The following PTPRA variants were observed in gnomAD, a reference collection of about 807,000 sequenced individuals.
PTPRA encodes the protein receptor-type tyrosine-protein phosphatase alpha.
Under a neutral mutation model 104.8 loss-of-function variants are expected in PTPRA, and 25 were observed. That is an observed-to-expected ratio of 0.24 (90% confidence interval 0.17 to 0.33). The LOEUF is 0.33. Among genes scored for constraint, PTPRA ranks in the 10% least tolerant of loss-of-function variants. The probability of loss-of-function intolerance (pLI) is 1.00; values close to 1 mark genes in which losing one functional copy is unlikely to be tolerated. For synonymous variants in PTPRA, 323 were observed against 368.9 expected (o/e 0.88, Z 1.43); for missense variants, 765 against 1,015.3 (o/e 0.75, Z 3.35).
intron 6 of PTPRA, among the ~76,000 whole-genome samples, chr20:2,980,557 G>GA (rs373384876): frequency 1.2e-4 from 17 of 147,606 alleles, no homozygotes; most frequent in South Asian, 6.5e-4. Context: ...CTCGAGAAAA[G>GA]AAAAAAAAAC....
intron 1 of PTPRA, among the ~76,000 whole-genome samples, chr20:2,906,423 A>G (rs1241466235): frequency 2.0e-5 from 3 of 152,208 alleles, no homozygotes; most frequent in Non-Finnish European, 4.4e-5. Flanking sequence ...TGATCCTCCT[A>G]TAAAGGGCCA....
intron 1 of PTPRA, among the ~76,000 whole-genome samples, chr20:2,877,862 A>G: frequency 6.6e-6 from 1 of 152,212 alleles, no homozygotes; most frequent in East Asian, 1.9e-4. Flanking sequence ...TTGTTCATTT[A>G]AAATCACAGG....
chr20:2,927,051 A>G lies in PTPRA; in HGVS notation c.-50+3766A>G, dbSNP rs376025193. On this transcript the variant is annotated intron_variant, in intron 2 of 23. Transcript: ENST00000399903. ...AGTGATCCGCCCGCCTCGGCCTCCC[A>G]AAGTGCTGGGATTACAGGCATATGC... Among the ~76,000 whole-genome samples, 55 of 152,036 alleles carry G rather than the reference A, an allele frequency of 3.6e-4. No homozygotes were observed. The East Asian group carries it at 7.6e-3, about 21-fold the overall frequency.
chr20:3,019,648 C>T (rs1317636341), intron 13 of PTPRA, among the ~76,000 whole-genome samples: 5 of 151,400 alleles, frequency 3.3e-5, no homozygotes, highest in African/African-American at 7.3e-5. Flanking sequence ...CGGGCAGAGA[C>T]GCTCCTCACT....
intron 2 of PTPRA, among the ~76,000 whole-genome samples, chr20:2,929,528 G>A (rs1425057821): frequency 5.9e-5 from 9 of 152,212 alleles, no homozygotes; most frequent in Non-Finnish European, 5.9e-5. Context: ...AATGTTCTTG[G>A]AGATGGTCTT....
intron 11 of PTPRA, among the ~76,000 whole-genome samples, chr20:3,007,625 A>G (rs909694268): frequency 1.3e-5 from 2 of 152,118 alleles, no homozygotes; most frequent in South Asian, 4.1e-4. Flanking sequence ...GTCATTCCCT[A>G]TGGTTTCCCA....
At chr20:3,000,135 A>G (rs1232617780) in intron 9 of PTPRA, among the ~76,000 whole-genome samples, 1 of 152,054 alleles carries the variant, frequency 6.6e-6, no homozygotes, top group African/African-American at 2.4e-5. Context: ...AAATACAAAA[A>G]AAATTAGCCA....
chr20:3,021,520 T>G, intron 14 of PTPRA, 92 bp downstream of exon 14: 2 of 1,516,548 alleles, frequency 1.3e-6, no homozygotes, highest in South Asian at 1.2e-5. Context: ...TGGTCAGGAG[T>G]TGCTGAGTAT....
rs751145234 is a variant in PTPRA at position 3,037,536 on chromosome 20, C to T, written c.2334+247C>T. On this transcript the variant is annotated intron_variant, in intron 23 of 23. Transcript: ENST00000399903. The surrounding 1 kb of genome is among the most constrained non-coding windows in gnomAD (Gnocchi z 4.3). ...GGGTGTCTGGGTGCCCCACAGGGCT[C>T]ATCTGTACTTCTCTGTGGGTCTTGG... Among the ~76,000 whole-genome samples, 4 of 152,188 alleles carry T rather than the reference C, an allele frequency of 2.6e-5. No homozygotes were observed. The highest frequency in any genetic ancestry group is 5.9e-5 in the Non-Finnish European group (4 of 68,036).
intron 1 of PTPRA, among the ~76,000 whole-genome samples, chr20:2,918,283 G>A (rs2059981801): frequency 6.6e-6 from 1 of 151,968 alleles, no homozygotes; most frequent in African/African-American, 2.4e-5. Context: ...TGGAGTAGCT[G>A]GGCATTACAG....
intron 6 of PTPRA, among the ~76,000 whole-genome samples, chr20:2,980,445 T>C (rs1000957502): frequency 6.6e-6 from 1 of 151,728 alleles, no homozygotes; most frequent in African/African-American, 2.4e-5. Flanking sequence ...TTCCAGCTAC[T>C]AGGGAGGCTA....
At position 2,965,741 on chromosome 20, in the gene PTPRA, G is replaced by C. The variant is rs560935968; in HGVS notation, c.415+539G>C. The stretch of plus-strand genomic sequence containing the variant: ...ATATGGAGTGGCAGGCCAGTGGCCA[G>C]GGGTGGCATCAGGCTCTGGGAAATG... On this transcript the variant is annotated intron_variant, in intron 5 of 23. Coordinates refer to ENST00000399903, the MANE Select transcript of PTPRA (RefSeq NM_001385305.1). 4.6e-5 allele frequency among the ~76,000 whole-genome samples: 7 copies of C among 152,318 alleles called. No homozygotes were observed. The South Asian group carries it at 1.4e-3, about 32-fold the overall frequency.
At chr20:2,993,609 G>A (rs1047371122) in intron 9 of PTPRA, among the ~76,000 whole-genome samples, 9 of 152,206 alleles carry the variant, frequency 5.9e-5, no homozygotes, top group Non-Finnish European at 1.2e-4. Context: ...GGAGTTATAT[G>A]TTAATCTGCA....
intron 1 of PTPRA, among the ~76,000 whole-genome samples, chr20:2,888,744 A>G (rs1434896409): frequency 1.3e-5 from 2 of 152,182 alleles, no homozygotes; most frequent in Non-Finnish European, 2.9e-5. Context: ...ATAGGCATCC[A>G]CAAGTACTAT....
chr20:3,007,849 T>G (rs1441699112), intron 11 of PTPRA, among the ~76,000 whole-genome samples: 1 of 152,098 alleles, frequency 6.6e-6, no homozygotes, highest in Non-Finnish European at 1.5e-5. Context: ...TATATATATA[T>G]ATATATGACT....
chr20:2,874,710 T>A (rs2089601265), intron 1 of PTPRA, among the ~76,000 whole-genome samples: 1 of 152,218 alleles, frequency 6.6e-6, no homozygotes. Flanking sequence ...ACAGATCTGA[T>A]GCTGTCACTT....
chr20:2,906,517 T>A (rs1488244860), intron 1 of PTPRA, among the ~76,000 whole-genome samples: 3 of 152,170 alleles, frequency 2.0e-5, no homozygotes, highest in Admixed American at 6.5e-5. Context: ...AGAAAACAAA[T>A]TTTGAGAAAT....
rs896694535 is a variant in PTPRA at position 2,899,771 on chromosome 20, C to T, written c.-128-23436C>T. 2.0e-5 allele frequency among the ~76,000 whole-genome samples: 3 copies of T among 151,866 alleles called. No homozygotes were observed. The East Asian group carries it at 5.8e-4, about 29-fold the overall frequency. On this transcript the variant is annotated intron_variant, in intron 1 of 23. Transcript: ENST00000399903. ...CATTCCAATACTCTTAATTCTAGTCCAACACAATAGGGTTTCTTCTGGTGT... is the reference window on the plus strand; with the variant it reads ...CATTCCAATACTCTTAATTCTAGTCTAACACAATAGGGTTTCTTCTGGTGT...
chr20:2,963,228 A>G (rs932328136), intron 3 of PTPRA, among the ~76,000 whole-genome samples: 1 of 152,200 alleles, frequency 6.6e-6, no homozygotes, highest in Non-Finnish European at 1.5e-5. Flanking sequence ...GCACCTAGCA[A>G]TCAACTTGGG....
Sources: allele counts gnomAD v4.1 joint callset (sites outside exome capture counted in the v4.1 genomes callset), GRCh38; gene constraint gnomAD v4.1.1; non-coding constraint Gnocchi (gnomAD v3.1); transcripts MANE v1.5; gene names NCBI Gene and HGNC (gene_info 2026-07-23, HGNC 2026-07-21).